The following EXOC2 variants were observed in gnomAD, a reference collection of about 807,000 sequenced individuals.
EXOC2 encodes exocyst complex component 2, also known as SEC5-like 1.
A neutral mutation model predicts 131.8 loss-of-function variants in EXOC2; 70 were observed. The observed-to-expected ratio is 0.53, with a 90% confidence interval of 0.44 to 0.65. EXOC2 has a LOEUF of 0.65. Ranked by LOEUF, EXOC2 falls within the 30% of genes least tolerant of loss-of-function variation. The pLI, the probability that EXOC2 is intolerant of heterozygous loss-of-function variation, is 0.00. For synonymous variants in EXOC2, 411 were observed against 398.4 expected, an observed-to-expected ratio of 1.03 and a Z score of -0.38; for missense variants, 923 against 1,108.6, an observed-to-expected ratio of 0.83 and a Z score of 2.38.
At chr6:616,393 G>A (rs897770337) in intron 6 of EXOC2, among the ~76,000 whole-genome samples, 3 of 151,862 alleles carry the variant, frequency 2.0e-5, no homozygotes, top group African/African-American at 7.3e-5. Context: ...CACGAGGTCA[G>A]GAGATCGAGA....
In EXOC2 at chr6:486,093, C is replaced by A. The variant is rs1029515591; in HGVS notation, c.*578G>T. 1.3e-5 allele frequency: 2 copies of A among 152,222 alleles called. No individual in the cohort carries two copies. Among genetic ancestry groups the A allele is most frequent in the Non-Finnish European group, 2.9e-5 (2 of 68,044 alleles). 9.4% of individuals were successfully genotyped at this position (152,222 alleles called of 1,614,324 possible). ...AGTTAAATCACAGACACCTGGACCACAAATAATCTACCCCAGTTGTAATAT... is the reference window on the plus strand; with the variant it reads ...AGTTAAATCACAGACACCTGGACCAAAAATAATCTACCCCAGTTGTAATAT... On this transcript the variant is annotated 3_prime_UTR_variant, in exon 28 of 28. Transcript: ENST00000230449.
intron 22 of EXOC2, among the ~76,000 whole-genome samples, chr6:536,071 G>A (rs2493041): frequency 0.31 from 46,493 of 151,952 alleles, 8,542 homozygotes; most frequent in African/African-American, 0.52. Context: ...CTACAAAATG[G>A]TACAAATATA....
chr6:572,606 C>T lies in EXOC2; in HGVS notation c.1357G>A (p.Glu453Lys). Residue 453 changes from glutamate to lysine, a missense_variant, in exon 13 of 28, where the codon GAA becomes AAA. By Grantham distance (56) the Glu-to-Lys change is moderately conservative. Transcript: ENST00000230449. ...CTCAAGACGAGTTTTGTCAATTTTTCAACAAAGGCCACCCTGTGGGGAGTT... is the reference window on the plus strand; with the variant it reads ...CTCAAGACGAGTTTTGTCAATTTTTTAACAAAGGCCACCCTGTGGGGAGTT... ...YKTPHRVAFV[E>K]KLTKLVLSQL... 1 of 1,614,124 alleles carries T rather than the reference C, an allele frequency of 6.2e-7. No homozygotes were observed. The highest frequency in any genetic ancestry group is 8.5e-7 in the Non-Finnish European group (1 of 1,180,022).
chr6:629,997 A>C (rs769261344), intron 3 of EXOC2, 36 bp from the exon 4 acceptor site: 2 of 1,609,486 alleles, frequency 1.2e-6, no homozygotes, highest in South Asian at 2.2e-5. Flanking sequence ...AATAAGATGA[A>C]GCCTACCCCA....
chr6:579,441 A>T (rs1758763987), intron 11 of EXOC2, among the ~76,000 whole-genome samples: 1 of 152,246 alleles, frequency 6.6e-6, no homozygotes, highest in Admixed American at 6.5e-5. Context: ...CCAGAAGTAT[A>T]ACACAGCAGC....
chr6:499,652 T>C lies in EXOC2; in HGVS notation c.2429A>G (p.His810Arg), dbSNP rs756269974. Residue 810 changes from histidine to arginine, a missense_variant, in exon 24 of 28, where the codon CAT (histidine) becomes CGT (arginine). Transcript: ENST00000230449. ...KEALVNIIAV[H>R]AEVFTISKEL... ...CATCTAATGATACTTTACCTCTGCA[T>C]GCACGGCAATTATATTCACCAGTGC... is the stretch of plus-strand genomic sequence containing the variant. 3.1e-6 allele frequency: 5 copies of C among 1,613,712 alleles called. No homozygotes were observed. The South Asian group carries it at 5.5e-5, about 18-fold the overall frequency.
chr6:513,049 C>G (rs933036835), intron 23 of EXOC2, among the ~76,000 whole-genome samples: 18 of 152,238 alleles, frequency 1.2e-4, no homozygotes, highest in African/African-American at 4.1e-4. Context: ...GACTCTGCGA[C>G]TCTATGTTTC....
chr6:537,349 CGGCCGACGGAGCGCACACTCGAGTTGAT>C (rs1766519592), intron 22 of EXOC2, among the ~76,000 whole-genome samples: 2 of 131,826 alleles, frequency 1.5e-5, no homozygotes, highest in African/African-American at 2.9e-5. Context: ...CTCGAGTTGA[CGGCCGACGGAGCGCACACTCGAGTTGAT>C]GGCCGACGGA....
chr6:546,230 G>A (rs946746246), intron 22 of EXOC2, among the ~76,000 whole-genome samples: 1 of 151,930 alleles, frequency 6.6e-6, no homozygotes, highest in African/African-American at 2.4e-5. Context: ...TCCAGGACTT[G>A]AGCAAAAGCT....
At chr6:533,327 A>C (rs1028486659) in intron 22 of EXOC2, among the ~76,000 whole-genome samples, 1 of 152,216 alleles carries the variant, frequency 6.6e-6, no homozygotes, top group African/African-American at 2.4e-5. Flanking sequence ...ACCATTTAAA[A>C]TCATGTTCTG....
chr6:584,254 A>T (rs1759076874), intron 11 of EXOC2, among the ~76,000 whole-genome samples: 1 of 152,220 alleles, frequency 6.6e-6, no homozygotes, highest in Admixed American at 6.5e-5. Flanking sequence ...CTGACCCTGC[A>T]TTATGGTAAT....
chr6:592,041 C>T (rs755587395), intron 11 of EXOC2, among the ~76,000 whole-genome samples: 1 of 152,130 alleles, frequency 6.6e-6, no homozygotes, highest in Non-Finnish European at 1.5e-5. Flanking sequence ...CATGTCCCAG[C>T]ATTTTATTTG....
intron 23 of EXOC2, among the ~76,000 whole-genome samples, chr6:502,022 G>A (rs1038106898): frequency 4.6e-5 from 7 of 152,234 alleles, no homozygotes; most frequent in South Asian, 2.1e-4. Context: ...CTGCTGTGGG[G>A]GCACTGGGGC....
intron 1 of EXOC2, among the ~76,000 whole-genome samples, chr6:685,367 A>G (rs1459789698): frequency 6.6e-6 from 1 of 152,188 alleles, no homozygotes; most frequent in East Asian, 1.9e-4. Flanking sequence ...AAATATAATC[A>G]AAGTAGAGAA....
intron 1 of EXOC2, chr6:657,368 C>T (rs1763181887): frequency 6.4e-6 from 1 of 155,830 alleles, no homozygotes; most frequent in South Asian, 2.1e-4. Context: ...TTCCACGTGT[C>T]TTATGAAATC....
chr6:598,818 A>C (rs772864493), intron 9 of EXOC2, 42 bp downstream of exon 9: 1 of 1,482,358 alleles, frequency 6.7e-7, no homozygotes, highest in Non-Finnish European at 9.3e-7. Flanking sequence ...TTCTTCCTAT[A>C]AAAGGAAAGG....
At chr6:566,887 T>C (rs1005514755) in intron 13 of EXOC2, among the ~76,000 whole-genome samples, 14 of 151,222 alleles carry the variant, frequency 9.3e-5, no homozygotes, top group African/African-American at 3.5e-4. Context: ...AGCATGCTCT[T>C]TCTTAGGTCT....
chr6:674,718 G>A (rs1242352444), intron 1 of EXOC2, among the ~76,000 whole-genome samples: 1 of 144,596 alleles, frequency 6.9e-6, no homozygotes, highest in Non-Finnish European at 1.5e-5. Flanking sequence ...AACCATGTTT[G>A]TTTGTTTGTT....
At chr6:536,398 A>G (rs1766446670) in intron 22 of EXOC2, among the ~76,000 whole-genome samples, 1 of 152,174 alleles carries the variant, frequency 6.6e-6, no homozygotes, top group Non-Finnish European at 1.5e-5. Flanking sequence ...TAAACTTAAC[A>G]AAAGACATGG....
Sources: allele counts gnomAD v4.1 joint callset (sites outside exome capture counted in the v4.1 genomes callset), GRCh38; gene constraint gnomAD v4.1.1; transcripts MANE v1.5; gene names NCBI Gene and HGNC (gene_info 2026-07-23, HGNC 2026-07-21).